GABRP: variants seen among roughly 807,000 people sequenced by gnomAD.
GABRP encodes the protein gamma-aminobutyric acid type A receptor subunit pi.
GABRP carries 52 observed loss-of-function variants against 47.8 expected under a neutral mutation model. That is an observed-to-expected ratio of 1.09 (90% confidence interval 0.87 to 1.37). GABRP has a LOEUF of 1.37. GABRP is among the 40% of genes most tolerant of loss of function. GABRP has a pLI of 0.00. For synonymous variants in GABRP, 221 were observed against 205.8 expected (o/e 1.07, Z -0.63); for missense variants, 525 against 542.8 (o/e 0.97, Z 0.33).
At chr5:170,795,093 T>G in intron 4 of GABRP, 115 bp from the exon 5 acceptor site, 1 of 752,822 alleles carries the variant, frequency 1.3e-6, no homozygotes, top group South Asian at 1.5e-5. Flanking sequence ...GTCTGTGTAT[T>G]CTTGCTCTAA....
intron 1 of GABRP, 110 bp from the exon 2 acceptor site, chr5:170,788,464 T>A (rs1765180445): frequency 3.0e-6 from 2 of 675,236 alleles, no homozygotes; most frequent in South Asian, 3.7e-5. Flanking sequence ...GGCTGCTTCC[T>A]ATGCATGCTG....
chr5:170,792,450 A>AAG (rs1554119243), intron 3 of GABRP, among the ~76,000 whole-genome samples: 1 of 151,298 alleles, frequency 6.6e-6, no homozygotes, highest in Non-Finnish European at 1.5e-5. Context: ...CTCAAAAAAA[A>AAG]AAAGAAAGAA....
At chr5:170,801,649 G>A (rs944055621) in intron 6 of GABRP, among the ~76,000 whole-genome samples, 1 of 152,160 alleles carries the variant, frequency 6.6e-6, no homozygotes, top group Non-Finnish European at 1.5e-5. Flanking sequence ...TGGATGGCTG[G>A]TTGGGTTCCA....
chr5:170,789,813 C>T (rs912585085), intron 3 of GABRP, among the ~76,000 whole-genome samples: 1 of 152,152 alleles, frequency 6.6e-6, no homozygotes, highest in Non-Finnish European at 1.5e-5. Context: ...TGCTCCCTGA[C>T]ATCCCTGGCC....
In GABRP at chr5:170,812,642, T is replaced by C. The variant is rs1765920335; in HGVS notation, c.*384T>C. On this transcript the variant is annotated 3_prime_UTR_variant, in exon 10 of 10. Transcript: ENST00000265294. ...TCAGAAGTTGTTTCTAAAGTAACTATACATGTTTTTTACTAAATCTCTGCA... is the reference window on the plus strand; with the variant it reads ...TCAGAAGTTGTTTCTAAAGTAACTACACATGTTTTTTACTAAATCTCTGCA... 5.7e-6 allele frequency: 1 copy of C among 176,768 alleles called. No homozygotes were observed. The highest frequency in any genetic ancestry group is 1.2e-5 in the Non-Finnish European group (1 of 81,906). 10.9% of individuals were successfully genotyped at this position (176,768 alleles called of 1,614,324 possible). A position where few individuals can be genotyped will look rare whatever the true frequency, so the allele number is the denominator to read the frequency against.
At chr5:170,792,899 G>T (rs1352723345) in intron 3 of GABRP, among the ~76,000 whole-genome samples, 3 of 152,146 alleles carry the variant, frequency 2.0e-5, no homozygotes, top group Admixed American at 6.5e-5. Context: ...ACCCCCGGGG[G>T]TTATTTATTG....
intron 7 of GABRP, among the ~76,000 whole-genome samples, chr5:170,807,976 G>T (rs897640396): frequency 3.9e-5 from 6 of 152,166 alleles, no homozygotes; most frequent in Admixed American, 3.3e-4. Flanking sequence ...CACAGCAGGA[G>T]CAGAGCTTGG....
intron 6 of GABRP, among the ~76,000 whole-genome samples, chr5:170,804,185 CATATATATAT>C (rs70982304): frequency 0.095 from 14,131 of 149,014 alleles, 1,636 homozygotes; most frequent in African/African-American, 0.28. Context: ...TCTTTGTATG[CATATATATAT>C]ATATATATAT....
At chr5:170,805,016 A>T (rs1306049089) in intron 6 of GABRP, among the ~76,000 whole-genome samples, 2 of 147,028 alleles carry the variant, frequency 1.4e-5, no homozygotes, top group Admixed American at 6.8e-5. Context: ...TATTATATAT[A>T]TTATAATATT....
chr5:170,788,384 T>A, intron 1 of GABRP, 190 bp from the exon 2 acceptor site: 10 of 406,684 alleles, frequency 2.5e-5, no homozygotes, highest in African/African-American at 6.6e-5. Context: ...AAAAACATAA[T>A]CCTCCAAAAT....
At chr5:170,802,070 T>C (rs1765609056) in intron 6 of GABRP, among the ~76,000 whole-genome samples, 1 of 152,200 alleles carries the variant, frequency 6.6e-6, no homozygotes, top group Non-Finnish European at 1.5e-5. Flanking sequence ...AATTGCTTGA[T>C]AGATATAAAG....
chr5:170,783,542 G>A (rs914569582), upstream of GABRP: 22 of 152,160 alleles, frequency 1.4e-4, no homozygotes, highest in African/African-American at 5.3e-4. Flanking sequence ...CATGATCTCA[G>A]AATCAAACCC....
chr5:170,806,148 T>C (rs1765729506), intron 7 of GABRP, among the ~76,000 whole-genome samples: 1 of 152,200 alleles, frequency 6.6e-6, no homozygotes, highest in Admixed American at 6.5e-5. Flanking sequence ...TATTTCTCAC[T>C]GGAACACTAG....
chr5:170,803,089 G>C (rs1219979174), intron 6 of GABRP, among the ~76,000 whole-genome samples: 1 of 152,088 alleles, frequency 6.6e-6, no homozygotes, highest in Non-Finnish European at 1.5e-5. Flanking sequence ...TTTAATGTGG[G>C]ATGGTAGCCG....
Position 170,812,243 on chromosome 5 carries a change from C to A in GABRP, c.1308C>A (p.Tyr436Ter). 6.2e-7 allele frequency: 1 copy of A among 1,610,068 alleles called. No homozygotes were observed. Among genetic ancestry groups the A allele is most frequent in the Non-Finnish European group, 8.5e-7 (1 of 1,177,032 alleles). ...FMLANVFYWA[Y>*]YMYF The stretch of plus-strand genomic sequence containing the variant: ...TAGCCAATGTATTTTACTGGGCATA[C>A]TACATGTATTTTTGAGTCAATGTTA... The change falls in exon 10 of 10, where the codon TAC (tyrosine) becomes TAA (stop). Residue 436 changes from tyrosine to a stop codon, truncating the protein, a stop_gained. Coordinates refer to ENST00000265294, the MANE Select transcript of GABRP (RefSeq NM_014211.3). LOFTEE classifies it high-confidence loss of function.
Position 170,795,243 on chromosome 5 carries a change from G to A in GABRP, c.276G>A (p.Trp92Ter), listed in dbSNP as rs764188021. ...YTATIYLRQRWMDQRLVFEGN... is the reference protein window; with the variant it reads ...YTATIYLRQR Reference sequence around the variant, plus strand: ...CCACCATATACCTCCGACAGCGCTGGATGGACCAGCGGCTGGTGTTTGAAG... The same window carrying A: ...CCACCATATACCTCCGACAGCGCTGAATGGACCAGCGGCTGGTGTTTGAAG... The change falls in exon 5 of 10, where the codon TGG (tryptophan) becomes TGA (stop). Residue 92 changes from tryptophan (W) to a stop codon, truncating the protein, a stop_gained. Transcript: ENST00000265294. LOFTEE classifies it high-confidence loss of function. 2 of 1,613,570 alleles carry A rather than the reference G, an allele frequency of 1.2e-6. No homozygotes were observed. Among genetic ancestry groups the A allele is most frequent in the Admixed American group, 1.7e-5 (1 of 59,990 alleles).
chr5:170,793,112 A>G (rs1460058287), intron 3 of GABRP, among the ~76,000 whole-genome samples: 1 of 152,114 alleles, frequency 6.6e-6, no homozygotes, highest in Non-Finnish European at 1.5e-5. Context: ...CTAGGCAGGC[A>G]CTTCTCTTAC....
At chr5:170,803,407 G>A (rs1452510310) in intron 6 of GABRP, among the ~76,000 whole-genome samples, 2 of 152,164 alleles carry the variant, frequency 1.3e-5, no homozygotes, top group African/African-American at 2.4e-5. Flanking sequence ...AGTAACTAAT[G>A]TCTCTGGACC....
At chr5:170,784,672 T>C (rs912753620) in intron 1 of GABRP, among the ~76,000 whole-genome samples, 3 of 152,190 alleles carry the variant, frequency 2.0e-5, no homozygotes, top group Admixed American at 6.5e-5. Flanking sequence ...CATAGTGGAA[T>C]CACTGAATTC....
Sources: gnomAD v4.1 joint callset for allele counts (sites outside exome capture counted in the v4.1 genomes callset) on GRCh38, gnomAD v4.1.1 for gene constraint, MANE v1.5 for transcripts, NCBI Gene and HGNC (gene_info 2026-07-23, HGNC 2026-07-21) for gene names.